The following ELL variants were observed in gnomAD, a reference collection of about 807,000 sequenced individuals.
The protein encoded by ELL is elongation factor for RNA polymerase II.
Under a neutral mutation model 64.0 loss-of-function variants are expected in ELL, and 18 were observed. That is an observed-to-expected ratio of 0.28 (90% CI 0.19 to 0.42). ELL has a LOEUF of 0.42. Ranked by LOEUF, ELL falls within the 10% of genes least tolerant of loss-of-function variation. The pLI is 1.00. For synonymous variants in ELL, 399 were observed against 376.2 expected, an observed-to-expected ratio of 1.06 and a Z score of -0.70; for missense variants, 797 against 870.4, an observed-to-expected ratio of 0.92 and a Z score of 1.06.
chr19:18,466,756 TCA>T (rs966145967), intron 2 of ELL, among the ~76,000 whole-genome samples: 1 of 152,202 alleles, frequency 6.6e-6, no homozygotes, highest in African/African-American at 2.4e-5. Flanking sequence ...CATGAGCTCC[TCA>T]CAGTTAGACT....
intron 1 of ELL, among the ~76,000 whole-genome samples, chr19:18,473,392 C>T (rs1975104898): frequency 6.6e-6 from 1 of 152,254 alleles, no homozygotes; most frequent in African/African-American, 2.4e-5. Flanking sequence ...CAGGCTAAGT[C>T]CTGTCTCACA....
At chr19:18,479,475 G>A (rs1007364208) in intron 1 of ELL, among the ~76,000 whole-genome samples, 2 of 152,196 alleles carry the variant, frequency 1.3e-5, no homozygotes, top group Non-Finnish European at 2.9e-5. Context: ...TTGGGAGGCT[G>A]AGGCAGGTGG....
intron 1 of ELL, among the ~76,000 whole-genome samples, chr19:18,495,613 G>T (rs1216181363): frequency 6.6e-6 from 1 of 152,222 alleles, no homozygotes; most frequent in African/African-American, 2.4e-5. Context: ...GCGGAGACAG[G>T]GCTGGTAGGC....
At chr19:18,477,106 T>C (rs370814335) in intron 1 of ELL, among the ~76,000 whole-genome samples, 20 of 152,168 alleles carry the variant, frequency 1.3e-4, no homozygotes, top group East Asian at 9.6e-4. Flanking sequence ...ACAGCTACTG[T>C]GAACTTGGAA....
chr19:18,515,668 C>T (rs531806734), intron 1 of ELL, among the ~76,000 whole-genome samples: 94 of 152,318 alleles, frequency 6.2e-4, no homozygotes, highest in Middle Eastern at 6.8e-3. Flanking sequence ...AGCCAGCAAC[C>T]GGAGGAATCT....
At chr19:18,494,905 T>C (rs925975371) in intron 1 of ELL, among the ~76,000 whole-genome samples, 38 of 152,326 alleles carry the variant, frequency 2.5e-4, no homozygotes, top group African/African-American at 7.0e-4. Context: ...AACTCTACCC[T>C]GTACCTCTAG....
At chr19:18,500,130 C>T (rs756922495) in intron 1 of ELL, among the ~76,000 whole-genome samples, 8 of 151,810 alleles carry the variant, frequency 5.3e-5, no homozygotes, top group Non-Finnish European at 8.8e-5. Flanking sequence ...GGCATGGTGG[C>T]GGGTGCCTGT....
At chr19:18,491,690 G>GGATCGTTT (rs752180232) in intron 1 of ELL, among the ~76,000 whole-genome samples, 3 of 152,120 alleles carry the variant, frequency 2.0e-5, no homozygotes, top group Non-Finnish European at 4.4e-5. Flanking sequence ...CAAAGCAGGA[G>GGATCGTTT]GATCGTTTGA....
chr19:18,481,227 C>A (rs1180180595), intron 1 of ELL, among the ~76,000 whole-genome samples: 1 of 152,160 alleles, frequency 6.6e-6, no homozygotes, highest in African/African-American at 2.4e-5. Flanking sequence ...TCAATGGAAT[C>A]ACATAAGATG....
intron 2 of ELL, among the ~76,000 whole-genome samples, chr19:18,466,958 C>G (rs1217236899): frequency 6.6e-6 from 1 of 152,198 alleles, no homozygotes; most frequent in Non-Finnish European, 1.5e-5. Context: ...CCTCATACGC[C>G]CATGGGAGGC....
intron 1 of ELL, among the ~76,000 whole-genome samples, chr19:18,502,632 A>C (rs916699968): frequency 1.3e-5 from 2 of 152,174 alleles, no homozygotes; most frequent in South Asian, 4.1e-4. Context: ...ACAACTGAAG[A>C]AGCCGAGGAG....
In ELL at chr19:18,461,760, T is replaced by C. The variant is rs145318296; in HGVS notation, c.562A>G (p.Ile188Val). 52 of 1,613,952 alleles carry C rather than the reference T, an allele frequency of 3.2e-5. No individual in the cohort carries two copies. Among genetic ancestry groups the C allele is most frequent in the Middle Eastern group, 1.6e-4 (1 of 6,084 alleles). Residue 188 changes from isoleucine (I) to valine (V), a missense_variant, in exon 5 of 12, where the codon ATC becomes GTC. Transcript: ENST00000262809. ...RATPINLASA[I>V]RKSGASAVSG... ...ACGGCACTGGCACCACTCTTCCTGATGGCACTCGCCAAGTTGATGGGGGTT... is the reference window on the plus strand; with the variant it reads ...ACGGCACTGGCACCACTCTTCCTGACGGCACTCGCCAAGTTGATGGGGGTT...
intron 1 of ELL, among the ~76,000 whole-genome samples, chr19:18,478,375 T>C (rs1261189427): frequency 6.6e-6 from 1 of 152,166 alleles, no homozygotes; most frequent in Non-Finnish European, 1.5e-5. Context: ...ACATGACACC[T>C]GCAGGGTACT....
At chr19:18,478,864 C>A (rs944110278) in intron 1 of ELL, among the ~76,000 whole-genome samples, 39 of 152,328 alleles carry the variant, frequency 2.6e-4, no homozygotes, top group Admixed American at 7.2e-4. Context: ...GTAGGCAGCT[C>A]CCCCTCAATG....
intron 1 of ELL, among the ~76,000 whole-genome samples, chr19:18,519,399 T>C (rs1976203874): frequency 6.6e-6 from 1 of 152,114 alleles, no homozygotes; most frequent in Admixed American, 6.5e-5. Context: ...CACAATCAAG[T>C]TCTTCAAGCC....
At chr19:18,514,996 G>A (rs1030600772) in intron 1 of ELL, among the ~76,000 whole-genome samples, 2 of 152,216 alleles carry the variant, frequency 1.3e-5, no homozygotes, top group African/African-American at 4.8e-5. Flanking sequence ...TCACAATCCG[G>A]GTGTGATGTC....
chr19:18,509,549 G>C (rs1975953908), intron 1 of ELL, among the ~76,000 whole-genome samples: 1 of 151,092 alleles, frequency 6.6e-6, no homozygotes. Context: ...GGTCTCCAGG[G>C]TGAACACAGA....
chr19:18,458,812 A>G (rs1251019887), intron 5 of ELL, among the ~76,000 whole-genome samples: 1 of 151,818 alleles, frequency 6.6e-6, no homozygotes, highest in African/African-American at 2.4e-5. Flanking sequence ...TTTTTTTAAG[A>G]GATGGGATCT....
rs1974426688 is a variant in ELL at position 18,446,788 on chromosome 19, T to C, written c.1492A>G (p.Ser498Gly). The change falls in exon 9 of 12, where the codon AGT becomes GGT. Residue 498 changes from serine to glycine, a missense_variant. Transcript: ENST00000262809. Reference sequence around the variant, plus strand: ...GTCTCCGACGTGGACGTGGGAACACTGGAAACGCTGCAGGTTCCGTTTAAA... The same window carrying C: ...GTCTCCGACGTGGACGTGGGAACACCGGAAACGCTGCAGGTTCCGTTTAAA... ...PGLNGTCSVS[S>G]VPTSTSETPD... 8 of 1,613,950 alleles carry C rather than the reference T, an allele frequency of 5.0e-6. No individual in the cohort carries two copies. The highest frequency in any genetic ancestry group is 1.1e-5 in the South Asian group (1 of 91,088).
Sources: allele counts gnomAD v4.1 joint callset (sites outside exome capture counted in the v4.1 genomes callset), GRCh38; gene constraint gnomAD v4.1.1; transcripts MANE v1.5; gene names NCBI Gene and HGNC (gene_info 2026-07-23, HGNC 2026-07-21).